CDKN2B-AS1: variants seen among roughly 807,000 people sequenced by gnomAD.
CDKN2B-AS1 encodes CDKN2B and CDKN2A antisense cis and trans regulatory RNA 1.
chr9:22,015,384 A>G (rs905480375), intron 1 of CDKN2B-AS1, among the ~76,000 whole-genome samples: 8 of 152,170 alleles, frequency 5.3e-5, no homozygotes, highest in African/African-American at 1.9e-4. Flanking sequence ...GTAGCTTTAT[A>G]GGAAGTTTTT....
intron 4 of CDKN2B-AS1, among the ~76,000 whole-genome samples, chr9:22,059,731 C>T (rs547680145): frequency 2.6e-5 from 4 of 152,324 alleles, no homozygotes; most frequent in Admixed American, 1.3e-4. Flanking sequence ...ATGAGAGCCC[C>T]GCCCCAGCAG....
At chr9:22,016,713 A>C (rs1176326022) in intron 1 of CDKN2B-AS1, among the ~76,000 whole-genome samples, 4 of 152,224 alleles carry the variant, frequency 2.6e-5, no homozygotes, top group African/African-American at 4.8e-5. Context: ...TTCCCTATTG[A>C]ATAAATGGTG....
intron 4 of CDKN2B-AS1, among the ~76,000 whole-genome samples, chr9:22,116,084 A>G (rs933323722): frequency 3.3e-5 from 5 of 152,184 alleles, no homozygotes; most frequent in Non-Finnish European, 5.9e-5. Context: ...TCTCTTTCCA[A>G]AATTGGATCA....
rs148384420 is a variant in CDKN2B-AS1, at chr9:21,996,974, TTGTG to T, written n.29+1822_29+1825del. Among the ~76,000 whole-genome samples the T allele has an allele frequency of 6.6e-6, 1 of 152,050 alleles. No individual in the cohort carries two copies. The highest frequency in any genetic ancestry group is 1.5e-5 in the Non-Finnish European group (1 of 67,986). On this transcript the variant is annotated intron_variant and non_coding_transcript_variant, in intron 1 of 4. Coordinates refer to ENST00000650946, the Ensembl canonical transcript of CDKN2B-AS1. The surrounding 1 kb of genome is among the most constrained non-coding windows in gnomAD (Gnocchi z 5.4). Reference sequence around the variant, plus strand: ...CAGTTCTCCAGGGAAACAGAACCCATTGTGTGTGTGTGCGTGCCAGTACCACACA... The same window carrying T: ...CAGTTCTCCAGGGAAACAGAACCCATTGTGTGTGCGTGCCAGTACCACACA...
rs575117246 is a variant in CDKN2B-AS1, at chr9:22,009,870, C to T, written n.29+14709C>T. 5.9e-5 allele frequency among the ~76,000 whole-genome samples: 9 copies of T among 152,218 alleles called. No individual in the cohort carries two copies. The East Asian group carries it at 1.7e-3, about 29-fold the overall frequency. ...CAACCATAAAAATAGAGAAAAATCC[C>T]GAGAATCATGTTTTGCGTGTGCTTT... On this transcript the variant is annotated intron_variant and non_coding_transcript_variant, in intron 1 of 4. Coordinates refer to ENST00000650946, the Ensembl canonical transcript of CDKN2B-AS1.
intron 4 of CDKN2B-AS1, among the ~76,000 whole-genome samples, chr9:22,063,500 A>T (rs1823908913): frequency 6.6e-6 from 1 of 152,244 alleles, no homozygotes; most frequent in African/African-American, 2.4e-5. Flanking sequence ...TTGAGGACTT[A>T]ACATCAGAGA....
intron 4 of CDKN2B-AS1, chr9:22,058,834 G>T: frequency 5.0e-6 from 1 of 199,900 alleles, no homozygotes; most frequent in South Asian, 1.0e-4. Flanking sequence ...TGGCTGAGGA[G>T]GCCTCAGAAT....
intron 1 of CDKN2B-AS1, among the ~76,000 whole-genome samples, chr9:22,009,532 G>C (rs1379518013): frequency 6.6e-6 from 1 of 152,286 alleles, no homozygotes; most frequent in East Asian, 1.9e-4. Context: ...TGGATGTCCA[G>C]TAAAGCCAAG....
intron 1 of CDKN2B-AS1, among the ~76,000 whole-genome samples, chr9:22,043,068 A>T (rs1032221821): frequency 2.0e-5 from 3 of 152,052 alleles, no homozygotes; most frequent in Non-Finnish European, 4.4e-5. Context: ...CCAAATTTTA[A>T]GGAGCTATCA....
intron 4 of CDKN2B-AS1, among the ~76,000 whole-genome samples, chr9:22,122,708 A>T (rs1826126224): frequency 6.6e-6 from 1 of 152,002 alleles, no homozygotes; most frequent in Non-Finnish European, 1.5e-5. Context: ...GTGGTTGTAG[A>T]TATGTGGATT....
intron 1 of CDKN2B-AS1, chr9:22,012,572 C>T (rs900114084): frequency 3.9e-6 from 2 of 517,556 alleles, no homozygotes; most frequent in African/African-American, 1.9e-5. Flanking sequence ...GCCTCCTGCC[C>T]AGGCCCCATG....
At chr9:22,068,045 G>T (rs996006555) in intron 4 of CDKN2B-AS1, among the ~76,000 whole-genome samples, 11 of 152,134 alleles carry the variant, frequency 7.2e-5, no homozygotes, top group African/African-American at 2.7e-4. Context: ...TAGCCCCGAA[G>T]CTTCATAGTT....
At chr9:22,042,993 A>G (rs1822959530) in intron 1 of CDKN2B-AS1, among the ~76,000 whole-genome samples, 1 of 152,118 alleles carries the variant, frequency 6.6e-6, no homozygotes, top group African/African-American at 2.4e-5. Flanking sequence ...TGTCATTGTA[A>G]CACTGTTTAT....
intron 1 of CDKN2B-AS1, among the ~76,000 whole-genome samples, chr9:22,037,582 G>A (rs572399264): frequency 2.0e-5 from 3 of 152,118 alleles, no homozygotes; most frequent in Non-Finnish European, 4.4e-5. Context: ...TTCCTGTTTG[G>A]TGTGCTCTTA....
At chr9:22,078,364 C>A (rs1371268326) in intron 4 of CDKN2B-AS1, among the ~76,000 whole-genome samples, 1 of 151,896 alleles carries the variant, frequency 6.6e-6, no homozygotes, top group Non-Finnish European at 1.5e-5. Flanking sequence ...GCTTATTTGA[C>A]TAGTTTTGTT....
intron 4 of CDKN2B-AS1, among the ~76,000 whole-genome samples, chr9:22,090,522 G>A (rs9644859): frequency 0.51 from 77,011 of 151,900 alleles, 19,698 homozygotes; most frequent in Middle Eastern, 0.69. Flanking sequence ...TCGCCATTCT[G>A]ACTGGTGTCA....
At chr9:22,014,134 C>T (rs970949053) in intron 1 of CDKN2B-AS1, among the ~76,000 whole-genome samples, 17 of 152,088 alleles carry the variant, frequency 1.1e-4, no homozygotes, top group Middle Eastern at 3.4e-3. Context: ...CCTTCATTTA[C>T]TAGCTGGAAT....
At chr9:22,091,070 C>T (rs10811653) in intron 4 of CDKN2B-AS1, among the ~76,000 whole-genome samples, 77,068 of 151,942 alleles carry the variant, frequency 0.51, 19,735 homozygotes, top group Middle Eastern at 0.69. Context: ...CCAGCACCAT[C>T]TATTAAATAG....
At chr9:22,029,388 A>G (rs772926375) in intron 1 of CDKN2B-AS1, 1 of 778,646 alleles carries the variant, frequency 1.3e-6, no homozygotes, top group East Asian at 2.4e-5. Context: ...ATCTAATCAC[A>G]TAGAGACTTG....
Sources: gnomAD v4.1 joint callset for allele counts (sites outside exome capture counted in the v4.1 genomes callset) on GRCh38, gnomAD v4.1.1 for gene constraint, Gnocchi (gnomAD v3.1) non-coding constraint, MANE v1.5 for transcripts, NCBI Gene and HGNC (gene_info 2026-07-23, HGNC 2026-07-21) for gene names.